The following AK9 variants were observed in gnomAD, a reference collection of about 807,000 sequenced individuals.
AK9 encodes adenylate kinase 9.
Under a neutral mutation model 239.6 loss-of-function variants are expected in AK9, and 191 were observed. That is an observed-to-expected ratio of 0.80 (90% confidence interval 0.71 to 0.90). The LOEUF (loss-of-function observed/expected upper bound fraction) is 0.90. Among genes scored for constraint, AK9 ranks in the 40% least tolerant of loss-of-function variants. The pLI, the probability that AK9 is intolerant of heterozygous loss-of-function variation, is 0.00. For synonymous variants in AK9, 689 were observed against 721.0 expected, an observed-to-expected ratio of 0.96 and a Z score of 0.71; for missense variants, 1,995 against 2,214.7, an observed-to-expected ratio of 0.90 and a Z score of 1.99.
rs111925582 is a variant in AK9, at chr6:109,669,457, G to T, written c.331+2462C>A. On this transcript the variant is annotated intron_variant, in intron 5 of 40. Transcript: ENST00000424296. ...AGGAGTGGTGAGAGAGGGCATCCCT[G>T]TCTTGTGCCAGTTTTCAAAAGGAAT... is the stretch of plus-strand genomic sequence containing the variant. Among the ~76,000 whole-genome samples the T allele has an allele frequency of 2.8e-3, 419 of 152,106 alleles. 5 individuals carry two copies. The highest frequency in any genetic ancestry group is 9.8e-3 in the African/African-American group (407 of 41,526).
chr6:109,526,515 TGG>T (rs1780537675), intron 29 of AK9, among the ~76,000 whole-genome samples: 1 of 151,990 alleles, frequency 6.6e-6, no homozygotes, highest in Non-Finnish European at 1.5e-5. Flanking sequence ...AACTGTCTAC[TGG>T]TAGGGGAAGA....
intron 33 of AK9, among the ~76,000 whole-genome samples, chr6:109,508,160 G>A (rs930913724): frequency 1.3e-5 from 2 of 152,148 alleles, no homozygotes; most frequent in African/African-American, 2.4e-5. Context: ...CTAGGCACTG[G>A]CCTACAATTC....
At chr6:109,495,087 A>G (rs1045263145) in intron 39 of AK9, among the ~76,000 whole-genome samples, 1 of 152,206 alleles carries the variant, frequency 6.6e-6, no homozygotes, top group African/African-American at 2.4e-5. Flanking sequence ...ATTCAAATGG[A>G]AACAATTTTG....
intron 12 of AK9, among the ~76,000 whole-genome samples, chr6:109,624,961 TTG>T (rs773900240): frequency 6.6e-6 from 1 of 152,130 alleles, no homozygotes; most frequent in Non-Finnish European, 1.5e-5. Flanking sequence ...AATTTTTCAT[TTG>T]TGTTATATTT....
chr6:109,650,386 C>G (rs1253843402), intron 8 of AK9, among the ~76,000 whole-genome samples: 1 of 151,536 alleles, frequency 6.6e-6, no homozygotes. Context: ...AATAAATTTA[C>G]AAGAAAAAAA....
chr6:109,493,495 T>C lies in AK9; in HGVS notation c.5610A>G (p.Glu1870=), dbSNP rs1562310222. The part of the protein sequence containing the change: ...KKMEQFMESC[E]LITYLGAKMT... ...TCTTGGCACCCAAGTATGTTATGAG[T>C]TCACAACTCTCCATAAACTGCTCCA... is the stretch of plus-strand genomic sequence containing the variant. The change falls in exon 41 of 41, where the codon GAA becomes GAG. Residue 1870 remains glutamate, a synonymous_variant. Coordinates refer to ENST00000424296, the MANE Select transcript of AK9 (RefSeq NM_001145128.3). 4 of 1,614,156 alleles carry C rather than the reference T, an allele frequency of 2.5e-6. No homozygotes were observed. The highest frequency in any genetic ancestry group is 1.6e-4 in the Middle Eastern group (1 of 6,062).
intron 24 of AK9, among the ~76,000 whole-genome samples, chr6:109,557,906 T>C (rs1785217792): frequency 6.6e-6 from 1 of 152,234 alleles, no homozygotes; most frequent in South Asian, 2.1e-4. Context: ...ACACTTGGTA[T>C]GGTCAGTCTT....
chr6:109,651,747 G>A (rs912896230), intron 8 of AK9, among the ~76,000 whole-genome samples: 4 of 152,024 alleles, frequency 2.6e-5, no homozygotes, highest in African/African-American at 4.8e-5. Flanking sequence ...TATCACCACC[G>A]ATCCCACAGA....
chr6:109,534,049 G>A (rs1251073588), intron 27 of AK9, among the ~76,000 whole-genome samples: 1 of 151,720 alleles, frequency 6.6e-6, no homozygotes, highest in Middle Eastern at 3.2e-3. Context: ...CCACCTCCCT[G>A]GGTCTCCTTG....
At chr6:109,603,830 T>C (rs956114248) in intron 17 of AK9, among the ~76,000 whole-genome samples, 23 of 152,182 alleles carry the variant, frequency 1.5e-4, no homozygotes, top group Admixed American at 1.3e-3. Context: ...ACTGCTGTGC[T>C]AGCAATGAGT....
At chr6:109,633,600 A>C (rs1796373224) in intron 10 of AK9, among the ~76,000 whole-genome samples, 1 of 152,182 alleles carries the variant, frequency 6.6e-6, no homozygotes. Context: ...TCTACTGAGC[A>C]ATTTCTATCA....
At chr6:109,510,052 C>T (rs1778533679) in intron 32 of AK9, among the ~76,000 whole-genome samples, 1 of 152,004 alleles carries the variant, frequency 6.6e-6, no homozygotes, top group Non-Finnish European at 1.5e-5. Flanking sequence ...CAGATTGATT[C>T]CTGGGCAGAA....
At chr6:109,655,183 A>G (rs1272258003) in intron 8 of AK9, among the ~76,000 whole-genome samples, 1 of 152,192 alleles carries the variant, frequency 6.6e-6, no homozygotes, top group Admixed American at 6.5e-5. Flanking sequence ...GGGGTATAAG[A>G]GTTCTTTACC....
chr6:109,526,987 T>C (rs1780603420), intron 29 of AK9, among the ~76,000 whole-genome samples: 1 of 152,120 alleles, frequency 6.6e-6, no homozygotes, highest in Non-Finnish European at 1.5e-5. Context: ...AATGTGTCTC[T>C]ATTACTCTTC....
chr6:109,582,845 G>T (rs1476679498), intron 19 of AK9, among the ~76,000 whole-genome samples: 2 of 152,058 alleles, frequency 1.3e-5, no homozygotes, highest in South Asian at 2.1e-4. Flanking sequence ...CTTCATCATT[G>T]TCCTAGTTTA....
In AK9 at chr6:109,493,580, A is replaced by C; in HGVS notation, c.5534-9T>G. 1 of 1,605,726 alleles carries C rather than the reference A, an allele frequency of 6.2e-7. No homozygotes were observed. Among genetic ancestry groups the C allele is most frequent in the Non-Finnish European group, 8.5e-7 (1 of 1,174,060 alleles). On this transcript the variant is annotated splice_polypyrimidine_tract_variant and intron_variant, in intron 40 of 40. Coordinates refer to ENST00000424296, the MANE Select transcript of AK9 (RefSeq NM_001145128.3). Reference sequence around the variant, plus strand: ...ACCTTTGGGATTAAATGCTGTAGAAAATTTCACAGAACTGTGAATAATTTC... The same window carrying C: ...ACCTTTGGGATTAAATGCTGTAGAACATTTCACAGAACTGTGAATAATTTC...
intron 8 of AK9, among the ~76,000 whole-genome samples, chr6:109,652,650 CT>C (rs1174187570): frequency 4.6e-5 from 7 of 152,082 alleles, no homozygotes; most frequent in African/African-American, 1.7e-4. Context: ...TCAAGCATTT[CT>C]TTTTATGAAA....
intron 17 of AK9, among the ~76,000 whole-genome samples, chr6:109,604,629 C>T (rs756667413): frequency 3.0e-4 from 46 of 152,136 alleles, no homozygotes; most frequent in Non-Finnish European, 6.3e-4. Flanking sequence ...ACATATTTTA[C>T]TAGTTAGTAG....
intron 10 of AK9, among the ~76,000 whole-genome samples, chr6:109,633,830 C>T (rs1279194545): frequency 6.6e-6 from 1 of 152,204 alleles, no homozygotes; most frequent in Non-Finnish European, 1.5e-5. Context: ...TCTCCTTCAT[C>T]AGCAATCCTT....
Sources: allele counts gnomAD v4.1 joint callset (sites outside exome capture counted in the v4.1 genomes callset), GRCh38; gene constraint gnomAD v4.1.1; transcripts MANE v1.5; gene names NCBI Gene and HGNC (gene_info 2026-07-23, HGNC 2026-07-21).